Variants in CSMD2 observed in about 807,000 individuals in gnomAD.
CSMD2 encodes CUB and sushi domain-containing protein 2.
In CSMD2, 130 loss-of-function variants were observed where a neutral mutation model predicts 398.5. The observed-to-expected ratio is 0.33, with a 90% CI of 0.28 to 0.38. The LOEUF is 0.38. CSMD2 is among the 10% of genes least tolerant of loss of function. CSMD2 has a pLI of 1.00. For synonymous variants in CSMD2, 1,828 were observed against 1,908.5 expected, an observed-to-expected ratio of 0.96 and a Z score of 1.10; for missense variants, 3,829 against 4,764.9, an observed-to-expected ratio of 0.80 and a Z score of 5.78.
At chr1:33,774,679 G>T (rs1651735902) in intron 12 of CSMD2, among the ~76,000 whole-genome samples, 1 of 152,216 alleles carries the variant, frequency 6.6e-6, no homozygotes, top group East Asian at 1.9e-4. Flanking sequence ...TGCTGCAGGA[G>T]ATATGCACGT....
intron 37 of CSMD2, among the ~76,000 whole-genome samples, chr1:33,620,838 C>T (rs1641726204): frequency 7.8e-6 from 1 of 127,566 alleles, no homozygotes; most frequent in South Asian, 2.5e-4. Context: ...TTTCCAGGTG[C>T]ATGCTTCAGT....
chr1:33,686,554 T>G (rs563834178), intron 25 of CSMD2, among the ~76,000 whole-genome samples: 1 of 152,234 alleles, frequency 6.6e-6, no homozygotes, highest in Non-Finnish European at 1.5e-5. Flanking sequence ...ATTTTCCAGC[T>G]TGGACCACAC....
intron 3 of CSMD2, among the ~76,000 whole-genome samples, 188 bp downstream of exon 3, chr1:34,032,406 C>T (rs1650565788): frequency 1.3e-5 from 2 of 152,198 alleles, no homozygotes; most frequent in Admixed American, 1.3e-4. Context: ...TTTCAATTCT[C>T]AGTTTCCTGG....
chr1:33,689,323 G>A (rs187170308), intron 25 of CSMD2, among the ~76,000 whole-genome samples: 18 of 152,262 alleles, frequency 1.2e-4, no homozygotes, highest in Admixed American at 2.0e-4. Context: ...GCTCCTTTGA[G>A]GTTGCTGTGG....
In CSMD2 at chr1:34,032,607, G is replaced by A. The variant is rs777514893; in HGVS notation, c.504C>T (p.His168=). 2.1e-5 allele frequency: 34 copies of A among 1,589,496 alleles called. No homozygotes were observed. The highest frequency in any genetic ancestry group is 5.8e-5 in the South Asian group (5 of 86,292). Residue 168 remains histidine, a synonymous_variant, in exon 3 of 71, where the codon CAC becomes CAT. Coordinates refer to ENST00000373381, the MANE Select transcript of CSMD2 (RefSeq NM_001281956.2). The part of the protein sequence containing the change: ...SDYAVSAQGF[H]ATYEVLPSHT... Reference sequence around the variant, plus strand: ...GGAGGCACTTACCTTCATAGGTGGCGTGGAAGCCTTGGGCACTGACTGCAT... The same window carrying A: ...GGAGGCACTTACCTTCATAGGTGGCATGGAAGCCTTGGGCACTGACTGCAT...
chr1:33,748,300 A>T (rs1647672463), intron 13 of CSMD2, among the ~76,000 whole-genome samples: 1 of 152,218 alleles, frequency 6.6e-6, no homozygotes, highest in South Asian at 2.1e-4. Flanking sequence ...AGGGATTTTT[A>T]AAAAGTTGTA....
chr1:33,698,965 AGAGT>A (rs772931510), intron 23 of CSMD2, 21 bp from the exon 24 acceptor site: 13 of 1,600,526 alleles, frequency 8.1e-6, no homozygotes, highest in Admixed American at 6.7e-5. Flanking sequence ...GAGAAGAGGT[AGAGT>A]GAGTAAGACC....
chr1:34,083,086 A>G (rs982290091), intron 2 of CSMD2, among the ~76,000 whole-genome samples: 1 of 152,132 alleles, frequency 6.6e-6, no homozygotes, highest in Non-Finnish European at 1.5e-5. Context: ...AAAATTAAAA[A>G]AAAAAAAAAA....
chr1:34,113,230 G>A (rs1177739931), intron 1 of CSMD2, among the ~76,000 whole-genome samples: 2 of 152,156 alleles, frequency 1.3e-5, no homozygotes, highest in African/African-American at 4.8e-5. Flanking sequence ...GGATCAAGAG[G>A]TATTTATCTC....
At chr1:33,829,205 G>A (rs1388964482) in intron 6 of CSMD2, among the ~76,000 whole-genome samples, 1 of 152,102 alleles carries the variant, frequency 6.6e-6, no homozygotes, top group African/African-American at 2.4e-5. Context: ...TCTACAAAAT[G>A]TATATTCAGG....
intron 2 of CSMD2, among the ~76,000 whole-genome samples, chr1:34,060,336 T>C (rs1419162558): frequency 4.6e-5 from 7 of 152,210 alleles, no homozygotes; most frequent in Admixed American, 4.6e-4. Context: ...GGTGCCAACA[T>C]GACAGCTGAC....
At chr1:33,608,127 A>C (rs1640752039) in intron 41 of CSMD2, among the ~76,000 whole-genome samples, 1 of 148,630 alleles carries the variant, frequency 6.7e-6, no homozygotes, top group African/African-American at 2.5e-5. Context: ...ATTTCCAAAG[A>C]TGGGGGCTGG....
chr1:33,614,688 T>G, intron 39 of CSMD2, 68 bp from the exon 40 acceptor site: 1 of 851,232 alleles, frequency 1.2e-6, no homozygotes, highest in Non-Finnish European at 1.9e-6. Context: ...TGCCAATGTT[T>G]GGAAGCTCCC....
At chr1:33,972,970 C>G (rs1476834966) in intron 3 of CSMD2, among the ~76,000 whole-genome samples, 4 of 152,206 alleles carry the variant, frequency 2.6e-5, no homozygotes, top group African/African-American at 9.6e-5. Flanking sequence ...TTCTCCCTTG[C>G]AGACTGAGAG....
At chr1:33,601,076 C>T (rs1570897660) in intron 43 of CSMD2, 66 bp from the exon 44 acceptor site, 3 of 1,601,430 alleles carry the variant, frequency 1.9e-6, no homozygotes, top group East Asian at 4.5e-5. Context: ...CACTTGGTGC[C>T]ATCAGTGGCC....
intron 1 of CSMD2, among the ~76,000 whole-genome samples, chr1:34,127,646 C>T (rs1456461504): frequency 6.6e-6 from 1 of 152,116 alleles, no homozygotes; most frequent in African/African-American, 2.4e-5. Context: ...AATGGCCACT[C>T]TTAGGATTAG....
intron 3 of CSMD2, among the ~76,000 whole-genome samples, chr1:33,958,929 G>A (rs1645257122): frequency 1.3e-5 from 2 of 152,302 alleles, no homozygotes; most frequent in South Asian, 4.1e-4. Flanking sequence ...GTTCATGCTT[G>A]TGGATATGAT....
intron 2 of CSMD2, among the ~76,000 whole-genome samples, chr1:34,073,914 G>C (rs1341177221): frequency 6.6e-6 from 1 of 152,218 alleles, no homozygotes; most frequent in Non-Finnish European, 1.5e-5. Flanking sequence ...TCCTGGGGAG[G>C]CCTCAGGAAA....
chr1:33,761,646 C>T (rs1420771314), intron 13 of CSMD2, among the ~76,000 whole-genome samples: 1 of 152,166 alleles, frequency 6.6e-6, no homozygotes, highest in African/African-American at 2.4e-5. Flanking sequence ...AGCCCCTGAG[C>T]TCTGTTAGAG....
Sources: gnomAD v4.1 joint callset for allele counts (sites outside exome capture counted in the v4.1 genomes callset) on GRCh38, gnomAD v4.1.1 for gene constraint, MANE v1.5 for transcripts, NCBI Gene and HGNC (gene_info 2026-07-23, HGNC 2026-07-21) for gene names.